Variants in PADI6 observed in about 807,000 individuals in gnomAD.
PADI6 encodes the protein peptidyl arginine deiminase 6.
In PADI6, 66 loss-of-function variants were observed where a neutral mutation model predicts 78.2. That is an observed-to-expected ratio of 0.84 (90% CI 0.69 to 1.04). The LOEUF is 1.04. Ranked by LOEUF, PADI6 falls within the 50% of genes least tolerant of loss-of-function variation. PADI6 has a pLI of 0.00. For missense variants in PADI6, 854 were observed against 866.1 expected, an observed-to-expected ratio of 0.99 and a Z score of 0.18; for synonymous variants, 397 against 346.9, an observed-to-expected ratio of 1.14 and a Z score of -1.60.
intron 6 of PADI6, among the ~76,000 whole-genome samples, 173 bp from the exon 7 acceptor site, chr1:17,388,208 G>A (rs2075142024): frequency 6.6e-6 from 1 of 152,220 alleles, no homozygotes; most frequent in African/African-American, 2.4e-5. Context: ...ACATCTGGTT[G>A]TCTACCAAGA....
At chr1:17,394,122 C>T in intron 10 of PADI6, 40 bp downstream of exon 10, 6 of 1,589,042 alleles carry the variant, frequency 3.8e-6, no homozygotes, top group Non-Finnish European at 3.5e-6. Flanking sequence ...TCAGTCCAAT[C>T]TCTCAGGCCT....
At chr1:17,372,438 G>A (rs567814484) in intron 1 of PADI6, 77 bp downstream of exon 1, 430 of 1,355,814 alleles carry the variant, frequency 3.2e-4, no homozygotes, top group Non-Finnish European at 4.3e-4. Flanking sequence ...CTTGATCTGG[G>A]AGTTGGGGGT....
At chr1:17,383,030 G>T (rs1213800471) in intron 6 of PADI6, among the ~76,000 whole-genome samples, 5 of 152,186 alleles carry the variant, frequency 3.3e-5, no homozygotes. Flanking sequence ...CAATCCTCCT[G>T]CCTTGGCTTC....
At chr1:17,377,148 T>C (rs1418549746) in intron 3 of PADI6, among the ~76,000 whole-genome samples, 1 of 147,346 alleles carries the variant, frequency 6.8e-6, no homozygotes, top group Non-Finnish European at 1.5e-5. Context: ...CTGACTTTAT[T>C]TTTTTATTTT....
chr1:17,378,304 G>A (rs535161784), intron 3 of PADI6, among the ~76,000 whole-genome samples: 51 of 152,290 alleles, frequency 3.3e-4, no homozygotes, highest in African/African-American at 1.1e-3. Context: ...TGAGGTCTCC[G>A]TCTTGCACGC....
chr1:17,377,013 T>C (rs574788477), intron 3 of PADI6, among the ~76,000 whole-genome samples: 1 of 152,256 alleles, frequency 6.6e-6, no homozygotes, highest in Non-Finnish European at 1.5e-5. Context: ...GCTTGGACCA[T>C]AGGTGTTATA....
At chr1:17,400,241 T>TG (rs2075287892) in intron 15 of PADI6, among the ~76,000 whole-genome samples, 1 of 148,980 alleles carries the variant, frequency 6.7e-6, no homozygotes, top group Non-Finnish European at 1.5e-5. Flanking sequence ...GGGCTGGGCG[T>TG]GGTGTCTTAC....
intron 9 of PADI6, 48 bp from the exon 10 acceptor site, chr1:17,393,927 C>T (rs746928284): frequency 2.7e-5 from 42 of 1,542,338 alleles, no homozygotes; most frequent in South Asian, 1.1e-4. Flanking sequence ...AAATGGGGTC[C>T]GGGGAGATGT....
chr1:17,401,128 G>T (rs982312040), intron 15 of PADI6, 77 bp from the exon 16 acceptor site: 24 of 1,386,268 alleles, frequency 1.7e-5, no homozygotes, highest in African/African-American at 2.9e-5. Flanking sequence ...TGGTCTGACC[G>T]CAGAGAGGCA....
At position 17,394,833 on chromosome 1, in the gene PADI6, G is replaced by A. The variant is rs190569171; in HGVS notation, c.1338-118G>A. 47 of 1,223,290 alleles carry A rather than the reference G, an allele frequency of 3.8e-5. No individual in the cohort carries two copies. In the East Asian group the frequency reaches 5.2e-4, roughly 13 times the overall value. The allele number at this position is 1,223,290 out of a possible 1,614,324, so 75.8% of individuals were successfully genotyped here. A position where few individuals can be genotyped will look rare whatever the true frequency, so the allele number is the denominator to read the frequency against. Reference sequence around the variant, plus strand: ...GTAACCAACACATCCGCTATGGACCGGCCTCTTTCACACAACGGTCAGAGG... The same window carrying A: ...GTAACCAACACATCCGCTATGGACCAGCCTCTTTCACACAACGGTCAGAGG... On this transcript the variant is annotated intron_variant, in intron 11 of 15. Coordinates refer to ENST00000619609, the MANE Select transcript of PADI6 (RefSeq NM_207421.4).
Position 17,395,525 on chromosome 1 carries a change from A to G in PADI6, c.1495-15A>G, listed in dbSNP as rs1415603069. 1 of 1,549,826 alleles carries G rather than the reference A, an allele frequency of 6.5e-7. No individual in the cohort carries two copies. The highest frequency in any genetic ancestry group is 8.7e-7 in the Non-Finnish European group (1 of 1,146,120). ...GCTGAGAAAGCTGGCTTCTGACCCA[A>G]GTTCTGTTTCCCAGGGCTTCCTGCT... On this transcript the variant is annotated splice_polypyrimidine_tract_variant and intron_variant, in intron 12 of 15. Transcript: ENST00000619609.
chr1:17,392,735 GAT>G (rs2075200599), intron 9 of PADI6, among the ~76,000 whole-genome samples: 3 of 152,230 alleles, frequency 2.0e-5, no homozygotes, highest in Non-Finnish European at 4.4e-5. Context: ...TAGACAATGA[GAT>G]GATACAGTGA....
Position 17,388,889 on chromosome 1 carries a change from C to G in PADI6, c.962+9C>G. On this transcript the variant is annotated intron_variant, in intron 8 of 15. Transcript: ENST00000619609. Reference sequence around the variant, plus strand: ...GAGGTTTACCTGTGCAGGTGAGAGACCATCAGGCTGACTGTGCCAGGCGGT... The same window carrying G: ...GAGGTTTACCTGTGCAGGTGAGAGAGCATCAGGCTGACTGTGCCAGGCGGT... 2.5e-6 allele frequency: 4 copies of G among 1,606,838 alleles called. No homozygotes were observed. The highest frequency in any genetic ancestry group is 3.4e-4 in the Middle Eastern group (2 of 5,938).
chr1:17,395,726 A>G (rs1570149939), intron 13 of PADI6, 63 bp downstream of exon 13: 4 of 1,544,728 alleles, frequency 2.6e-6, no homozygotes, highest in Non-Finnish European at 3.5e-6. Flanking sequence ...GGTCCTTTCT[A>G]CATAGCCATT....
At chr1:17,373,305 T>A in intron 2 of PADI6, 72 bp downstream of exon 2, 1 of 1,548,212 alleles carries the variant, frequency 6.5e-7, no homozygotes, top group Non-Finnish European at 8.8e-7. Context: ...GGCTTCCTCC[T>A]GGCTGCAGAC....
intron 8 of PADI6, among the ~76,000 whole-genome samples, chr1:17,391,386 A>C (rs1159467176): frequency 6.6e-6 from 1 of 151,934 alleles, no homozygotes; most frequent in Non-Finnish European, 1.5e-5. Flanking sequence ...CGCCCAGCTA[A>C]TTTCTGTATT....
At chr1:17,398,153 C>CAGGAATGTTCCCA (rs1553154407) in intron 14 of PADI6, among the ~76,000 whole-genome samples, 1 of 152,174 alleles carries the variant, frequency 6.6e-6, no homozygotes, top group Non-Finnish European at 1.5e-5. Context: ...TTAACATTCC[C>CAGGAATGTTCCCA]AGGAATGTTC....
chr1:17,388,728 G>A, intron 7 of PADI6, 49 bp from the exon 8 acceptor site: 1 of 1,565,178 alleles, frequency 6.4e-7, no homozygotes, highest in Non-Finnish European at 8.7e-7. Flanking sequence ...TAAGAGGGGA[G>A]CGAGTAAATG....
intron 4 of PADI6, among the ~76,000 whole-genome samples, chr1:17,380,826 G>A (rs2075065987): frequency 1.3e-5 from 2 of 152,096 alleles, no homozygotes. Flanking sequence ...TATGAGGTAA[G>A]TAACTGGTAA....
Sources: gnomAD v4.1 joint callset for allele counts (sites outside exome capture counted in the v4.1 genomes callset) on GRCh38, gnomAD v4.1.1 for gene constraint, MANE v1.5 for transcripts, NCBI Gene and HGNC (gene_info 2026-07-23, HGNC 2026-07-21) for gene names.